Variants in CFAP44 observed in about 807,000 individuals in gnomAD.
CFAP44 encodes cilia and flagella associated protein 44.
Under a neutral mutation model 216.2 loss-of-function variants are expected in CFAP44, and 134 were observed. The observed-to-expected ratio is 0.62, with a 90% confidence interval of 0.54 to 0.72. The LOEUF (loss-of-function observed/expected upper bound fraction) is 0.72. Ranked by LOEUF, CFAP44 falls within the 30% of genes least tolerant of loss-of-function variation. The pLI is 0.00. For synonymous variants in CFAP44, 700 were observed against 727.6 expected, an observed-to-expected ratio of 0.96 and a Z score of 0.61; for missense variants, 2,035 against 2,182.1, an observed-to-expected ratio of 0.93 and a Z score of 1.34.
At position 113,406,952 on chromosome 3, in the gene CFAP44, C is replaced by T; in HGVS notation, c.980G>A (p.Gly327Asp). 1 of 1,613,978 alleles carries T rather than the reference C, an allele frequency of 6.2e-7. No homozygotes were observed. The highest frequency in any genetic ancestry group is 8.5e-7 in the Non-Finnish European group (1 of 1,179,918). Reference protein sequence around the residue: ...FGKTITTDIEGYMELPDGKVL... With the variant: ...FGKTITTDIEDYMELPDGKVL... ...CTTCCCATCTGGGAGCTCCATGTAG[C>T]CTTCTATATCAGTAGTGATTGTTTT... is the stretch of plus-strand genomic sequence containing the variant. The change falls in exon 8 of 35, where the codon GGC becomes GAC. Residue 327 changes from glycine to aspartate, a missense_variant. Gly to Asp is a moderately conservative substitution (Grantham distance 94, BLOSUM62 -1). Coordinates refer to ENST00000393845, the MANE Select transcript of CFAP44 (RefSeq NM_001164496.2).
At chr3:113,364,143 T>G (rs1950567104) in intron 19 of CFAP44, among the ~76,000 whole-genome samples, 1 of 152,100 alleles carries the variant, frequency 6.6e-6, no homozygotes, top group Non-Finnish European at 1.5e-5. Context: ...AGTAAATCAC[T>G]TAAAAGTACT....
At position 113,379,565 on chromosome 3, in the gene CFAP44, C is replaced by T. The variant is rs944505490; in HGVS notation, c.2053-14G>A. 1.9e-6 allele frequency: 3 copies of T among 1,543,266 alleles called. No homozygotes were observed. The South Asian group carries it at 3.6e-5, about 18-fold the overall frequency. On this transcript the variant is annotated splice_polypyrimidine_tract_variant and intron_variant, in intron 16 of 34. Coordinates refer to ENST00000393845, the MANE Select transcript of CFAP44 (RefSeq NM_001164496.2). ...TTCTATTAATCTCTTTTAAAATAAA[C>T]ATTAAGTAGGTATAAAAACAATTAT...
chr3:113,324,116 T>C (rs1950169869), intron 28 of CFAP44, among the ~76,000 whole-genome samples: 1 of 151,422 alleles, frequency 6.6e-6, no homozygotes, highest in African/African-American at 2.4e-5. Flanking sequence ...GAATTTGTAA[T>C]TTAAAAACTC....
chr3:113,316,074 A>T (rs1950083986), intron 28 of CFAP44, among the ~76,000 whole-genome samples: 1 of 152,254 alleles, frequency 6.6e-6, no homozygotes, highest in Non-Finnish European at 1.5e-5. Flanking sequence ...CAATTACAAA[A>T]GAATTGAAAT....
intron 6 of CFAP44, among the ~76,000 whole-genome samples, chr3:113,411,961 A>G (rs1934489991): frequency 6.6e-6 from 1 of 151,800 alleles, no homozygotes; most frequent in African/African-American, 2.4e-5. Flanking sequence ...GTGTATAAGA[A>G]TGCTTGTGAT....
chr3:113,387,190 T>C (rs1157321112), intron 15 of CFAP44, among the ~76,000 whole-genome samples: 1 of 152,172 alleles, frequency 6.6e-6, no homozygotes, highest in Non-Finnish European at 1.5e-5. Context: ...GCATGCAATA[T>C]AGTGAGACAC....
Position 113,302,457 on chromosome 3 carries a change from T to TAAAAAAAAAAAAAA in CFAP44, c.5077+1445_5077+1458dup, listed in dbSNP as rs60866565. Among the ~76,000 whole-genome samples, 11 of 75,788 alleles carry TAAAAAAAAAAAAAA rather than the reference T, an allele frequency of 1.5e-4. 1 individual carries two copies. The highest frequency in any genetic ancestry group is 4.9e-4 in the Admixed American group (3 of 6,146). The allele number at this position is 75,788 out of a possible 152,430, so 49.7% of individuals were successfully genotyped here. ...GTATCCAAAGATACACTAGACAAAG[T>TAAAAAAAAAAAAAA]AAAAAAAAAAAAAAAAAAAAAAAGA... On this transcript the variant is annotated intron_variant, in intron 32 of 34. Transcript: ENST00000393845.
At chr3:113,435,735 T>TAC (rs1553764268) in intron 1 of CFAP44, among the ~76,000 whole-genome samples, 6,620 of 141,106 alleles carry the variant, frequency 0.047, 266 homozygotes, top group African/African-American at 0.099. Context: ...CTTCTAAAAT[T>TAC]AAAAAAAAAA....
chr3:113,302,457 T>TAAAG (rs1234291528), intron 32 of CFAP44, among the ~76,000 whole-genome samples: 6 of 75,796 alleles, frequency 7.9e-5, no homozygotes, highest in African/African-American at 2.6e-4. Flanking sequence ...CTAGACAAAG[T>TAAAG]AAAAAAAAAA....
At position 113,330,561 on chromosome 3, in the gene CFAP44, A is replaced by T. The variant is rs1281262102; in HGVS notation, c.3723T>A (p.Ile1241=). ...IQCLVQELKN[I]QSTLHISKHI... The stretch of plus-strand genomic sequence containing the variant: ...GCTTGGATATGTGAAGAGTCGACTG[A>T]ATGTTCTTCAGTTCTTGTACCAGGC... Residue 1241 remains isoleucine, a synonymous_variant, in exon 26 of 35, where the codon ATT becomes ATA. Coordinates refer to ENST00000393845, the MANE Select transcript of CFAP44 (RefSeq NM_001164496.2). The T allele has an allele frequency of 6.5e-7, 1 of 1,537,212 alleles. No individual in the cohort carries two copies. The highest frequency in any genetic ancestry group is 8.7e-7 in the Non-Finnish European group (1 of 1,146,874).
chr3:113,419,413 T>G (rs965270807), intron 5 of CFAP44, among the ~76,000 whole-genome samples: 12 of 152,210 alleles, frequency 7.9e-5, no homozygotes, highest in African/African-American at 2.9e-4. Flanking sequence ...TGTGTAGTGT[T>G]GGATGCACAG....
At position 113,363,530 on chromosome 3, in the gene CFAP44, A is replaced by G; in HGVS notation, c.2718T>C (p.Phe906=). The G allele has an allele frequency of 4.4e-6, 7 of 1,608,402 alleles. No individual in the cohort carries two copies. The highest frequency in any genetic ancestry group is 4.2e-6 in the Non-Finnish European group (5 of 1,177,410). The change falls in exon 20 of 35, where the codon TTT becomes TTC. Residue 906 remains phenylalanine, a splice_region_variant and synonymous_variant. Transcript: ENST00000393845. ...DMKAKVPSPR[F]GIETEPIPED... ...CTGGAATTGGCTCTGTTTCAATTCC[A>G]AACTATAGGAAGGGAAGTAAAAGGT... is the stretch of plus-strand genomic sequence containing the variant.
In CFAP44 at chr3:113,333,398, A is replaced by G. The variant is rs11921768; in HGVS notation, c.3615+8T>C. On this transcript the variant is annotated splice_region_variant and intron_variant, in intron 25 of 34. Coordinates refer to ENST00000393845, the MANE Select transcript of CFAP44 (RefSeq NM_001164496.2). The stretch of plus-strand genomic sequence containing the variant: ...TTCTCCATTGTCATAAAATCTGTAG[A>G]TAAGTACCAAAGAATCTAGGTGTCC... The G allele has an allele frequency of 1.1e-4, 169 of 1,535,668 alleles. 1 individual carries two copies. In the African/African-American group the frequency reaches 2.1e-3, roughly 19 times the overall value.
intron 28 of CFAP44, among the ~76,000 whole-genome samples, chr3:113,313,267 G>C (rs1950056659): frequency 6.6e-6 from 1 of 152,104 alleles, no homozygotes; most frequent in Non-Finnish European, 1.5e-5. Flanking sequence ...CTGGATTTCA[G>C]ACTTGCATGG....
Position 113,330,505 on chromosome 3 carries a change from T to A in CFAP44, c.3779A>T (p.His1260Leu). Residue 1260 changes from histidine to leucine, a missense_variant, in exon 26 of 35, where the codon CAC becomes CTC. Around this residue, in one of 3 missense-constraint regions of CFAP44, gnomAD observed 1,883 missense variants for 2,023.7 expected, o/e 0.93. Transcript: ENST00000393845. ...TCTCTTTTCTGGAACTTCTTCTGGG[T>A]GTATCTGAGGAATTTTGGGAATGGG... ...HIPIPKIPQIHPEEVPEKRFQ... is the reference protein window; with the variant it reads ...HIPIPKIPQILPEEVPEKRFQ... 1 of 1,537,198 alleles carries A rather than the reference T, an allele frequency of 6.5e-7. No individual in the cohort carries two copies. Among genetic ancestry groups the A allele is most frequent in the Non-Finnish European group, 8.7e-7 (1 of 1,146,882 alleles).
At chr3:113,432,192 G>C (rs1935122851) in intron 2 of CFAP44, 1 of 152,180 alleles carries the variant, frequency 6.6e-6, no homozygotes, top group South Asian at 2.1e-4. Flanking sequence ...GACCAGACGT[G>C]TGGATAGGTT....
intron 6 of CFAP44, among the ~76,000 whole-genome samples, chr3:113,415,801 A>C (rs1249444761): frequency 2.0e-5 from 3 of 152,162 alleles, no homozygotes; most frequent in African/African-American, 7.2e-5. Flanking sequence ...TTTTAGTATA[A>C]GTATCATGTG....
intron 15 of CFAP44, among the ~76,000 whole-genome samples, chr3:113,392,875 T>C (rs1933882421): frequency 6.6e-6 from 1 of 152,148 alleles, no homozygotes; most frequent in Non-Finnish European, 1.5e-5. Context: ...GATCACCAAG[T>C]TCTGTCAATT....
chr3:113,377,493 C>G (rs1234164812), intron 17 of CFAP44, among the ~76,000 whole-genome samples: 1 of 151,976 alleles, frequency 6.6e-6, no homozygotes, highest in African/African-American at 2.4e-5. Context: ...ATTTCCATGC[C>G]TTGGTTTCTT....
Sources: allele counts gnomAD v4.1 joint callset (sites outside exome capture counted in the v4.1 genomes callset), GRCh38; gene constraint gnomAD v4.1.1; regional missense constraint gnomAD v4.1.1; transcripts MANE v1.5; gene names NCBI Gene and HGNC (gene_info 2026-07-23, HGNC 2026-07-21).